Variants in KIAA1217 observed in about 807,000 individuals in gnomAD.
KIAA1217 encodes KIAA1217.
Under a neutral mutation model 163.9 loss-of-function variants are expected in KIAA1217, and 88 were observed. The ratio of observed to expected loss-of-function variants is 0.54; its 90% confidence interval spans 0.45 to 0.64. The LOEUF (loss-of-function observed/expected upper bound fraction) is 0.64. Ranked by LOEUF, KIAA1217 falls within the 30% of genes least tolerant of loss-of-function variation. KIAA1217 has a pLI of 0.00. For synonymous variants in KIAA1217, 903 were observed against 923.1 expected, an observed-to-expected ratio of 0.98 and a Z score of 0.39; for missense variants, 2,372 against 2,475.0, an observed-to-expected ratio of 0.96 and a Z score of 0.88.
chr10:23,919,448 A>G (rs2131287789), intron 1 of KIAA1217, among the ~76,000 whole-genome samples: 1 of 151,874 alleles, frequency 6.6e-6, no homozygotes, highest in South Asian at 2.1e-4. Flanking sequence ...TCTACTAAAA[A>G]TACAAAAATT....
intron 2 of KIAA1217, among the ~76,000 whole-genome samples, chr10:24,153,437 G>A (rs961043840): frequency 6.6e-6 from 1 of 152,192 alleles, no homozygotes; most frequent in Non-Finnish European, 1.5e-5. Context: ...GGCACTTGGA[G>A]CTTTACACAT....
At chr10:24,252,733 C>T (rs1412357487) in intron 2 of KIAA1217, among the ~76,000 whole-genome samples, 1 of 152,016 alleles carries the variant, frequency 6.6e-6, no homozygotes. Flanking sequence ...GGGATGACAG[C>T]GAGAGGCAAA....
At chr10:23,791,725 A>G (rs1242591884) in intron 1 of KIAA1217, among the ~76,000 whole-genome samples, 1 of 152,230 alleles carries the variant, frequency 6.6e-6, no homozygotes, top group Non-Finnish European at 1.5e-5. Flanking sequence ...GAAGTAACAT[A>G]TTGAAAAATA....
At chr10:24,237,463 C>G (rs2072448835) in intron 2 of KIAA1217, among the ~76,000 whole-genome samples, 1 of 152,182 alleles carries the variant, frequency 6.6e-6, no homozygotes, top group Admixed American at 6.5e-5. Flanking sequence ...CATTCTGACT[C>G]TTCTCGCTCT....
At position 23,826,744 on chromosome 10, in the gene KIAA1217, T is replaced by A. The variant is rs554261921; in HGVS notation, c.-321+131510T>A. 4.6e-5 allele frequency among the ~76,000 whole-genome samples: 7 copies of A among 152,276 alleles called. No homozygotes were observed. In the South Asian group the frequency reaches 1.5e-3, roughly 32 times the overall value. On this transcript the variant is annotated intron_variant, in intron 1 of 18. Transcript: ENST00000376462. ...GTCTGTTGTAACTTTAAAGCTCTTC[T>A]TCGACTCCTCAAATGCTCCAAGGGC...
chr10:24,074,661 ATTC>A (rs552217743), intron 2 of KIAA1217, among the ~76,000 whole-genome samples: 43 of 147,950 alleles, frequency 2.9e-4, no homozygotes, highest in East Asian at 7.9e-4. Context: ...ATATTCTGGA[ATTC>A]TTCTTCTTCT....
intron 1 of KIAA1217, among the ~76,000 whole-genome samples, chr10:23,930,240 G>T (rs937840405): frequency 3.3e-5 from 5 of 151,264 alleles, no homozygotes; most frequent in African/African-American, 9.8e-5. Flanking sequence ...GGGGTTATTT[G>T]GTGCTTTTCT....
At chr10:24,500,397 C>A (rs200431069) in intron 8 of KIAA1217, among the ~76,000 whole-genome samples, 1 of 125,786 alleles carries the variant, frequency 8.0e-6, no homozygotes, top group African/African-American at 2.9e-5. Flanking sequence ...AGAGTGTGTG[C>A]GTGTGTGTGT....
In KIAA1217 at chr10:24,473,551, G is replaced by A. The variant is rs1270854990; in HGVS notation, c.1170G>A (p.Glu390=). Residue 390 remains glutamate (E), a synonymous_variant, in exon 6 of 21, where the codon GAG becomes GAA. Transcript: ENST00000376454. The part of the protein sequence containing the change: ...SGKNIAMYRN[E]GFYADPYLYH... The stretch of plus-strand genomic sequence containing the variant: ...AAAACATTGCAATGTACAGAAATGA[G>A]GGTTTCTATGCTGATCCTTACCTTT... 2 of 1,613,644 alleles carry A rather than the reference G, an allele frequency of 1.2e-6. No homozygotes were observed. The highest frequency in any genetic ancestry group is 2.2e-5 in the South Asian group (2 of 91,024).
chr10:23,853,860 A>G (rs1343605148), intron 1 of KIAA1217, among the ~76,000 whole-genome samples: 2 of 152,158 alleles, frequency 1.3e-5, no homozygotes, highest in African/African-American at 4.8e-5. Context: ...TGGTGGTGAT[A>G]TCCCCTTTAT....
intron 1 of KIAA1217, among the ~76,000 whole-genome samples, chr10:23,954,019 TAA>T (rs1055478015): frequency 1.3e-5 from 2 of 152,332 alleles, no homozygotes; most frequent in Admixed American, 1.3e-4. Context: ...TCGTTTAATT[TAA>T]ATCTGTTTTA....
chr10:23,964,456 T>C (rs1304859454), intron 1 of KIAA1217, among the ~76,000 whole-genome samples: 2 of 152,238 alleles, frequency 1.3e-5, no homozygotes, highest in Non-Finnish European at 2.9e-5. Context: ...TTGGCTTTTG[T>C]TGCCATTGCT....
At chr10:23,992,734 G>A (rs991400524) in intron 1 of KIAA1217, among the ~76,000 whole-genome samples, 8 of 151,166 alleles carry the variant, frequency 5.3e-5, no homozygotes, top group Non-Finnish European at 5.9e-5. Context: ...CTGTCAAAGT[G>A]GCATGCCTGT....
chr10:24,177,284 T>TATATA (rs2065946713), intron 2 of KIAA1217, among the ~76,000 whole-genome samples: 1 of 112,494 alleles, frequency 8.9e-6, no homozygotes, highest in South Asian at 3.1e-4. Context: ...TATATATATA[T>TATATA]ATATATATAT....
At chr10:24,253,866 G>C (rs1163206834) in intron 2 of KIAA1217, among the ~76,000 whole-genome samples, 2 of 152,068 alleles carry the variant, frequency 1.3e-5, no homozygotes, top group Non-Finnish European at 2.9e-5. Context: ...AGTGAGCCAT[G>C]ATCAGGCCAC....
chr10:23,935,403 C>T (rs1195174445), intron 1 of KIAA1217, among the ~76,000 whole-genome samples: 3 of 151,880 alleles, frequency 2.0e-5, no homozygotes, highest in Middle Eastern at 3.4e-3. Context: ...TAGCAAACAT[C>T]TTCTTTAAAG....
At chr10:23,872,031 A>T (rs997475167) in intron 1 of KIAA1217, among the ~76,000 whole-genome samples, 1 of 151,742 alleles carries the variant, frequency 6.6e-6, no homozygotes, top group African/African-American at 2.4e-5. Context: ...AGATCAAGCG[A>T]CCTCCATGTT....
At chr10:23,704,315 G>A (rs374611773) in intron 1 of KIAA1217, among the ~76,000 whole-genome samples, 1 of 148,046 alleles carries the variant, frequency 6.8e-6, no homozygotes, top group African/African-American at 2.5e-5. Flanking sequence ...TTCTTATAGT[G>A]TACAATTCAT....
chr10:24,035,695 C>A (rs1432046183), intron 2 of KIAA1217, among the ~76,000 whole-genome samples: 2 of 152,218 alleles, frequency 1.3e-5, no homozygotes, highest in African/African-American at 4.8e-5. Context: ...TATACATGAT[C>A]TCTATTTCCA....
Sources: gnomAD v4.1 joint callset for allele counts (sites outside exome capture counted in the v4.1 genomes callset) on GRCh38, gnomAD v4.1.1 for gene constraint, MANE v1.5 for transcripts, NCBI Gene and HGNC (gene_info 2026-07-23, HGNC 2026-07-21) for gene names.